Variants in SMYD1 observed in about 807,000 individuals in gnomAD.
SMYD1 encodes the protein histone-lysine N-methyltransferase SMYD1.
Under a neutral mutation model 54.0 loss-of-function variants are expected in SMYD1, and 49 were observed. The observed-to-expected ratio is 0.91, with a 90% confidence interval of 0.72 to 1.15. SMYD1 has a LOEUF of 1.15. Ranked by LOEUF, SMYD1 falls within the 50% of genes most tolerant of loss-of-function variation. SMYD1 has a pLI of 0.00. For synonymous variants in SMYD1, 269 were observed against 234.2 expected (o/e 1.15, Z -1.36); for missense variants, 653 against 639.6 (o/e 1.02, Z -0.23).
chr2:88,069,286 T>C (rs1673898101), intron 1 of SMYD1, among the ~76,000 whole-genome samples: 1 of 152,154 alleles, frequency 6.6e-6, no homozygotes, highest in African/African-American at 2.4e-5. Flanking sequence ...ATAACTTGAT[T>C]AGTATTCACA....
chr2:88,102,910 C>A, intron 6 of SMYD1, 148 bp from the exon 7 acceptor site: 1 of 618,796 alleles, frequency 1.6e-6, no homozygotes, highest in Admixed American at 2.6e-5. Flanking sequence ...GCTACAGGAT[C>A]TTGGGTAGCA....
chr2:88,103,754 C>T (rs1267079097), intron 7 of SMYD1, among the ~76,000 whole-genome samples: 2 of 152,058 alleles, frequency 1.3e-5, no homozygotes. Context: ...AAACACTGGC[C>T]TGCGGGGTAT....
intron 1 of SMYD1, among the ~76,000 whole-genome samples, chr2:88,070,619 G>A (rs1472013488): frequency 6.6e-6 from 1 of 151,928 alleles, no homozygotes; most frequent in South Asian, 2.1e-4. Flanking sequence ...AATTATCCTA[G>A]GTTTTGTGTT....
At chr2:88,077,169 C>A (rs185802174) in intron 1 of SMYD1, among the ~76,000 whole-genome samples, 1 of 152,344 alleles carries the variant, frequency 6.6e-6, no homozygotes, top group African/African-American at 2.4e-5. Flanking sequence ...ATGCAGGCAC[C>A]TTGTCTTTGC....
rs756593208 is a variant in SMYD1 at position 88,106,409 on chromosome 2, A to G, written c.1066A>G (p.Ile356Val). 1.1e-5 allele frequency: 17 copies of G among 1,614,008 alleles called. No individual in the cohort carries two copies. Among genetic ancestry groups the G allele is most frequent in the African/African-American group, 1.3e-5 (1 of 74,896 alleles). ...TNIYMLRMLSIVSEVLSYLQA... is the reference protein window; with the variant it reads ...TNIYMLRMLSVVSEVLSYLQA... ...CATCTACATGCTGCGGATGCTGAGC[A>G]TTGTTTCGGAGGTCCTTTCCTACCT... Residue 356 changes from isoleucine (I) to valine (V), a missense_variant, in exon 8 of 10, where the codon ATT becomes GTT. Transcript: ENST00000419482.
intron 7 of SMYD1, among the ~76,000 whole-genome samples, chr2:88,104,123 C>T (rs1037642339): frequency 1.6e-4 from 24 of 152,182 alleles, no homozygotes; most frequent in East Asian, 3.9e-4. Flanking sequence ...CCCGCCACCA[C>T]GCCTGGCTAA....
intron 1 of SMYD1, among the ~76,000 whole-genome samples, chr2:88,070,476 T>C (rs562220239): frequency 6.6e-6 from 1 of 151,970 alleles, no homozygotes; most frequent in South Asian, 2.1e-4. Flanking sequence ...AACATATATA[T>C]TATATGTTAT....
chr2:88,085,915 G>A (rs1314590942), intron 2 of SMYD1, among the ~76,000 whole-genome samples: 2 of 152,192 alleles, frequency 1.3e-5, no homozygotes, highest in African/African-American at 4.8e-5. Context: ...TTGCACAGCA[G>A]TGTGAGTGTG....
chr2:88,106,556 T>C, intron 8 of SMYD1, 68 bp downstream of exon 8: 2 of 1,543,942 alleles, frequency 1.3e-6, no homozygotes, highest in South Asian at 2.4e-5. Flanking sequence ...GGCAAATAGA[T>C]GGCACATTTA....
At position 88,106,341 on chromosome 2, in the gene SMYD1, G is replaced by A. The variant is rs114851602; in HGVS notation, c.998G>A (p.Arg333Gln). ...TCACTCTAGGTTGTGAAATTATGCCGGGAGTGCCTGGAGAAGCAGGAGCCA... is the reference window on the plus strand; with the variant it reads ...TCACTCTAGGTTGTGAAATTATGCCAGGAGTGCCTGGAGAAGCAGGAGCCA... ...GLYHEVVKLC[R>Q]ECLEKQEPVF... Residue 333 changes from arginine (R) to glutamine (Q), a missense_variant, in exon 8 of 10, where the codon CGG becomes CAG. Physicochemically the swap from Arg to Gln is conservative, Grantham distance 43. Transcript: ENST00000419482. 1,003 of 1,614,102 alleles carry A rather than the reference G, an allele frequency of 6.2e-4. 5 individuals carry two copies. In the African/African-American group the frequency reaches 0.011, roughly 18 times the overall value.
At chr2:88,081,150 G>A (rs1478844539) in intron 1 of SMYD1, among the ~76,000 whole-genome samples, 1 of 152,104 alleles carries the variant, frequency 6.6e-6, no homozygotes, top group Non-Finnish European at 1.5e-5. Context: ...TGATCCACCT[G>A]CCTTGGCCTC....
chr2:88,093,594 C>T (rs751943119), intron 5 of SMYD1, 39 bp downstream of exon 5: 5 of 1,612,404 alleles, frequency 3.1e-6, no homozygotes, highest in Non-Finnish European at 4.2e-6. Context: ...TCCTCTGACC[C>T]ATCTCCCTCA....
chr2:88,080,920 T>TG (rs1674174837), intron 1 of SMYD1, among the ~76,000 whole-genome samples: 1 of 151,534 alleles, frequency 6.6e-6, no homozygotes, highest in Admixed American at 6.6e-5. Flanking sequence ...TTTTTTTTTT[T>TG]GAGATGGAGT....
intron 3 of SMYD1, 107 bp from the exon 4 acceptor site, chr2:88,090,905 C>T: frequency 7.7e-7 from 1 of 1,305,598 alleles, no homozygotes; most frequent in East Asian, 2.3e-5. Flanking sequence ...CCCTAAGCAT[C>T]TCCAGGGTGA....
chr2:88,097,794 C>T (rs1442553370), intron 6 of SMYD1, among the ~76,000 whole-genome samples: 1 of 139,878 alleles, frequency 7.1e-6, no homozygotes, highest in African/African-American at 2.5e-5. Flanking sequence ...CATTTATGAA[C>T]ATTAAAAGGC....
intron 7 of SMYD1, among the ~76,000 whole-genome samples, chr2:88,104,415 A>C (rs1200437890): frequency 1.3e-5 from 2 of 152,182 alleles, no homozygotes; most frequent in Non-Finnish European, 2.9e-5. Flanking sequence ...TCACACACAC[A>C]AAGTGTTATT....
chr2:88,105,386 C>CAG (rs1037935376), intron 7 of SMYD1, among the ~76,000 whole-genome samples: 1 of 152,032 alleles, frequency 6.6e-6, no homozygotes, highest in Non-Finnish European at 1.5e-5. Context: ...TATACACACA[C>CAG]ACACACACAC....
intron 8 of SMYD1, among the ~76,000 whole-genome samples, chr2:88,107,266 T>C (rs1674899063): frequency 6.6e-6 from 1 of 150,732 alleles, no homozygotes. Context: ...TTGCTTTCTG[T>C]GTTTATGTTG....
intron 5 of SMYD1, among the ~76,000 whole-genome samples, chr2:88,095,847 A>T (rs1674574409): frequency 1.3e-5 from 2 of 152,150 alleles, no homozygotes; most frequent in South Asian, 4.1e-4. Flanking sequence ...TACCTTCAAC[A>T]TCTTCAGTAC....
Sources: gnomAD v4.1 joint callset for allele counts (sites outside exome capture counted in the v4.1 genomes callset) on GRCh38, gnomAD v4.1.1 for gene constraint, MANE v1.5 for transcripts, NCBI Gene and HGNC (gene_info 2026-07-23, HGNC 2026-07-21) for gene names.